FAM20A: variants seen among roughly 807,000 people sequenced by gnomAD.
FAM20A encodes pseudokinase FAM20A.
FAM20A carries 42 observed loss-of-function variants against 52.0 expected under a neutral mutation model. The observed-to-expected ratio is 0.81, with a 90% CI of 0.63 to 1.04. The LOEUF (loss-of-function observed/expected upper bound fraction) is 1.04. Among genes scored for constraint, FAM20A ranks in the 50% least tolerant of loss-of-function variants. The pLI is 0.00. For missense variants in FAM20A, 742 were observed against 712.7 expected, an observed-to-expected ratio of 1.04 and a Z score of -0.47; for synonymous variants, 304 against 298.9, an observed-to-expected ratio of 1.02 and a Z score of -0.18.
At position 68,537,710 on chromosome 17, in the gene FAM20A, G is replaced by C. The variant is rs1334941671; in HGVS notation, c.1393C>G (p.Leu465Val). 1 of 1,613,280 alleles carries C rather than the reference G, an allele frequency of 6.2e-7. No individual in the cohort carries two copies. The highest frequency in any genetic ancestry group is 1.7e-5 in the Admixed American group (1 of 59,936). Residue 465 changes from leucine to valine, a missense_variant, in exon 11 of 11, where the codon CTG becomes GTG. Transcript: ENST00000592554. This position sits in a 1 kb window ranked among gnomAD's most constrained non-coding sequence, Gnocchi z 4.2. ...AGTCTGTAGTCAGCTTGGGCCAGCA[G>C]CTGCAGGTGCAAAAGTGTTTTCTTT... ...IKKKTLLHLQLLAQADYRLSD... is the reference protein window; with the variant it reads ...IKKKTLLHLQVLAQADYRLSD...
chr17:68,576,490 C>T (rs1001686251), intron 1 of FAM20A, among the ~76,000 whole-genome samples: 1 of 152,162 alleles, frequency 6.6e-6, no homozygotes, highest in Admixed American at 6.5e-5. Context: ...TCTGGCACCT[C>T]CTGGCTCCTC....
intron 1 of FAM20A, among the ~76,000 whole-genome samples, chr17:68,566,954 T>C (rs1369785979): frequency 6.6e-6 from 1 of 152,240 alleles, no homozygotes; most frequent in Non-Finnish European, 1.5e-5. Flanking sequence ...TCCTTTTCAG[T>C]CTACCTTGGT....
chr17:68,547,913 A>G (rs1045480601), intron 4 of FAM20A, among the ~76,000 whole-genome samples: 2 of 152,188 alleles, frequency 1.3e-5, no homozygotes, highest in African/African-American at 4.8e-5. Flanking sequence ...CTTCCTTACT[A>G]GCCTCCTGAA....
intron 1 of FAM20A, among the ~76,000 whole-genome samples, chr17:68,579,849 C>G (rs1302435112): frequency 6.6e-6 from 1 of 152,150 alleles, no homozygotes; most frequent in Non-Finnish European, 1.5e-5. Context: ...CAACTGATAA[C>G]CCATTGTCCA....
At chr17:68,568,564 G>A (rs1418873459) in intron 1 of FAM20A, among the ~76,000 whole-genome samples, 3 of 151,768 alleles carry the variant, frequency 2.0e-5, no homozygotes, top group Non-Finnish European at 4.4e-5. Context: ...CACAATCAAG[G>A]TATTTTCAAG....
intron 3 of FAM20A, 146 bp from the exon 4 acceptor site, chr17:68,552,097 AG>A: frequency 1.5e-6 from 1 of 686,716 alleles, no homozygotes; most frequent in Admixed American, 2.0e-5. Flanking sequence ...CATAGCCTGC[AG>A]GGTAAACGCC....
intron 1 of FAM20A, among the ~76,000 whole-genome samples, chr17:68,576,950 A>G (rs1230261981): frequency 6.6e-6 from 1 of 152,066 alleles, no homozygotes; most frequent in Admixed American, 6.6e-5. Context: ...CCTCACAACA[A>G]CTTTCAGACA....
chr17:68,559,356 C>T (rs2087146203), intron 1 of FAM20A, among the ~76,000 whole-genome samples: 1 of 152,186 alleles, frequency 6.6e-6, no homozygotes, highest in Non-Finnish European at 1.5e-5. Context: ...CATAGTATTG[C>T]CTTCTATTTG....
intron 1 of FAM20A, among the ~76,000 whole-genome samples, chr17:68,556,944 T>A (rs543569576): frequency 6.6e-6 from 1 of 152,082 alleles, no homozygotes; most frequent in Non-Finnish European, 1.5e-5. Context: ...GTGGAGAGTT[T>A]TAAAAATTAC....
At chr17:68,553,171 T>A (rs545173880) in intron 3 of FAM20A, among the ~76,000 whole-genome samples, 1 of 152,110 alleles carries the variant, frequency 6.6e-6, no homozygotes, top group African/African-American at 2.4e-5. Context: ...TCACGAGATC[T>A]CATGGTTTTA....
intron 1 of FAM20A, among the ~76,000 whole-genome samples, chr17:68,585,045 G>A (rs2088128522): frequency 6.6e-6 from 1 of 152,140 alleles, no homozygotes. Context: ...TATTTTTCCA[G>A]CCAAACATTT....
chr17:68,581,414 C>CTTTCTTTCTTTCTTT (rs1316499255), intron 1 of FAM20A, among the ~76,000 whole-genome samples: 1 of 111,074 alleles, frequency 9.0e-6, no homozygotes, highest in Non-Finnish European at 1.9e-5. Context: ...TTCTTTCTTT[C>CTTTCTTTCTTTCTTT]TTTTTCTCTT....
chr17:68,594,613 A>T (rs1212900036), intron 1 of FAM20A, among the ~76,000 whole-genome samples: 1 of 151,944 alleles, frequency 6.6e-6, no homozygotes, highest in African/African-American at 2.4e-5. Flanking sequence ...TGGGGAAAAA[A>T]ATCTGCTTCC....
intron 1 of FAM20A, chr17:68,590,194 G>C (rs1235386787): frequency 1.3e-5 from 2 of 152,190 alleles, no homozygotes; most frequent in Non-Finnish European, 2.9e-5. Flanking sequence ...CCTCCCAGAA[G>C]TTCATGAAGC....
rs1323923333 is a variant in FAM20A at position 68,600,270 on chromosome 17, A to C, written c.397T>G (p.Trp133Gly). The change falls in exon 1 of 11, where the codon TGG becomes GGG. Residue 133 changes from tryptophan (W) to glycine (G), a missense_variant. Coordinates refer to ENST00000592554, the MANE Select transcript of FAM20A (RefSeq NM_017565.4). The surrounding 1 kb of genome is among the most constrained non-coding windows in gnomAD (Gnocchi z 6.2). ...LRYYRRKVAR[W>G]NRRHKMYREQ... ...CCCGGGCGGGGTCCTCACCTGTTCC[A>C]GCGGGCCACCTTCCTCCGGTAATAC... is the stretch of plus-strand genomic sequence containing the variant. The C allele has an allele frequency of 6.4e-7, 1 of 1,565,130 alleles. No individual in the cohort carries two copies. The highest frequency in any genetic ancestry group is 1.4e-5 in the African/African-American group (1 of 73,338).
intron 1 of FAM20A, among the ~76,000 whole-genome samples, chr17:68,581,955 T>A (rs1391697890): frequency 6.6e-6 from 1 of 152,082 alleles, no homozygotes; most frequent in Non-Finnish European, 1.5e-5. Flanking sequence ...TACCTGCTTA[T>A]GGGGTTGTTG....
chr17:68,554,696 G>A, intron 3 of FAM20A, 81 bp downstream of exon 3: 1 of 1,389,972 alleles, frequency 7.2e-7, no homozygotes, highest in Non-Finnish European at 1.0e-6. Flanking sequence ...TCTTGCCCAA[G>A]GTCGCCACTG....
intron 1 of FAM20A, among the ~76,000 whole-genome samples, chr17:68,563,195 A>G (rs1045203667): frequency 2.6e-5 from 4 of 151,854 alleles, no homozygotes; most frequent in Non-Finnish European, 5.9e-5. Context: ...AGACCAGCCT[A>G]GCCAACATGG....
chr17:68,565,246 AC>A (rs1302497123), intron 1 of FAM20A, among the ~76,000 whole-genome samples: 3 of 151,630 alleles, frequency 2.0e-5, no homozygotes, highest in Non-Finnish European at 2.9e-5. Flanking sequence ...GGAAGCTGAG[AC>A]CCCCATTTGT....
Sources: allele counts gnomAD v4.1 joint callset (sites outside exome capture counted in the v4.1 genomes callset), GRCh38; gene constraint gnomAD v4.1.1; non-coding constraint Gnocchi (gnomAD v3.1); transcripts MANE v1.5; gene names NCBI Gene and HGNC (gene_info 2026-07-23, HGNC 2026-07-21).